Variants in APIP observed in about 807,000 individuals in gnomAD.
APIP encodes the protein methylthioribulose-1-phosphate dehydratase.
A neutral mutation model predicts 32.0 loss-of-function variants in APIP; 32 were observed. That is an observed-to-expected ratio of 1.00 (90% confidence interval 0.76 to 1.34). APIP has a LOEUF of 1.34. APIP is among the 40% of genes most tolerant of loss of function. APIP has a pLI of 0.00. For missense variants in APIP, 247 were observed against 298.6 expected (o/e 0.83, Z 1.27); for synonymous variants, 92 against 94.8 (o/e 0.97, Z 0.17).
chr11:34,886,355 TATAGA>T (rs905538340), intron 5 of APIP, among the ~76,000 whole-genome samples: 1 of 151,916 alleles, frequency 6.6e-6, no homozygotes, highest in Non-Finnish European at 1.5e-5. Context: ...GAAAAAAGCT[TATAGA>T]ATAAAGATAT....
rs1364695305 is a variant in APIP at position 34,898,002 on chromosome 11, T to C, written c.58-2892A>G. On this transcript the variant is annotated intron_variant, in intron 1 of 6. Transcript: ENST00000395787. ...TCTGTACAGGGGAGCTTCTTTCTTCTTTCTTATTAAACTCTCCATTCCTTA... is the reference window on the plus strand; with the variant it reads ...TCTGTACAGGGGAGCTTCTTTCTTCCTTCTTATTAAACTCTCCATTCCTTA... Among the ~76,000 whole-genome samples, 3 of 152,186 alleles carry C rather than the reference T, an allele frequency of 2.0e-5. No homozygotes were observed. The East Asian group carries it at 5.8e-4, about 29-fold the overall frequency.
At chr11:34,910,287 C>A (rs921724347) in intron 1 of APIP, among the ~76,000 whole-genome samples, 10 of 152,190 alleles carry the variant, frequency 6.6e-5, no homozygotes, top group African/African-American at 2.4e-4. Context: ...ACAACTGTTT[C>A]AATAGACTGG....
intron 1 of APIP, among the ~76,000 whole-genome samples, chr11:34,897,977 T>A (rs892214748): frequency 6.6e-6 from 1 of 152,002 alleles, no homozygotes; most frequent in African/African-American, 2.4e-5. Flanking sequence ...ACCCTCCATC[T>A]CTGTACAGGG....
chr11:34,891,980 T>C (rs973611778), intron 2 of APIP, among the ~76,000 whole-genome samples: 5 of 152,132 alleles, frequency 3.3e-5, no homozygotes, highest in Non-Finnish European at 5.9e-5. Context: ...GTCCTGGGAA[T>C]AGACTCAAAT....
At chr11:34,889,557 T>A (rs145917263) in intron 3 of APIP, among the ~76,000 whole-genome samples, 1 of 151,850 alleles carries the variant, frequency 6.6e-6, no homozygotes, top group East Asian at 1.9e-4. Flanking sequence ...GTTACAAGAG[T>A]CTGGTGTACA....
At chr11:34,903,940 A>T (rs986940140) in intron 1 of APIP, among the ~76,000 whole-genome samples, 3 of 152,262 alleles carry the variant, frequency 2.0e-5, no homozygotes, top group African/African-American at 7.2e-5. Context: ...ACGTGCCCAG[A>T]GATTGTTTTC....
At chr11:34,891,361 T>C (rs1430855) in intron 2 of APIP, among the ~76,000 whole-genome samples, 91,319 of 152,024 alleles carry the variant, frequency 0.6, 28,470 homozygotes, top group East Asian at 0.74. Context: ...TATCAGGTTT[T>C]TTCTCTTCTC....
chr11:34,883,505 C>T lies in APIP; in HGVS notation c.462-1G>A, dbSNP rs759789313. The T allele has an allele frequency of 6.2e-7, 1 of 1,611,886 alleles. No individual in the cohort carries two copies. The highest frequency in any genetic ancestry group is 1.1e-5 in the South Asian group (1 of 90,718). ...GGGTACCACTAACATATCATCATAT[C>T]TGTAAGACAAAACAAGCCATTTTTT... On this transcript the variant is annotated splice_acceptor_variant, in intron 5 of 6. Coordinates refer to ENST00000395787, the MANE Select transcript of APIP (RefSeq NM_015957.4). LOFTEE classifies it high-confidence loss of function.
chr11:34,908,917 T>C (rs1272185066), intron 1 of APIP, among the ~76,000 whole-genome samples: 1 of 152,006 alleles, frequency 6.6e-6, no homozygotes, highest in Non-Finnish European at 1.5e-5. Context: ...CTTTGACCTA[T>C]ATTTCATGGA....
intron 2 of APIP, among the ~76,000 whole-genome samples, chr11:34,892,477 T>G (rs912213350): frequency 6.6e-6 from 1 of 152,216 alleles, no homozygotes; most frequent in Non-Finnish European, 1.5e-5. Context: ...AATTATTTTG[T>G]CTACAATGTG....
At chr11:34,904,060 G>A (rs1314729445) in intron 1 of APIP, among the ~76,000 whole-genome samples, 1 of 152,176 alleles carries the variant, frequency 6.6e-6, no homozygotes, top group African/African-American at 2.4e-5. Context: ...CCAAAGAACA[G>A]GAAGTTATCC....
intron 1 of APIP, among the ~76,000 whole-genome samples, chr11:34,913,953 T>C (rs7121341): frequency 0.19 from 28,705 of 152,072 alleles, 3,855 homozygotes; most frequent in African/African-American, 0.39. Flanking sequence ...CCCTACTTTA[T>C]GTTCCAGAAC....
chr11:34,915,731 G>A, intron 1 of APIP: 1 of 168,226 alleles, frequency 5.9e-6, no homozygotes, highest in Non-Finnish European at 1.3e-5. Context: ...AACGGAGATA[G>A]GCAAGGAGCA....
intron 5 of APIP, among the ~76,000 whole-genome samples, chr11:34,883,867 G>A (rs1462195400): frequency 6.6e-6 from 1 of 152,142 alleles, no homozygotes; most frequent in African/African-American, 2.4e-5. Context: ...CAGAAGCATA[G>A]AAAAGATTAA....
intron 1 of APIP, among the ~76,000 whole-genome samples, chr11:34,912,690 G>A (rs7131118): frequency 0.19 from 28,850 of 152,124 alleles, 3,919 homozygotes; most frequent in African/African-American, 0.39. Context: ...TCTTTCTCCC[G>A]TGCTGGATGC....
chr11:34,910,854 C>T (rs1443217104), intron 1 of APIP, among the ~76,000 whole-genome samples: 5 of 151,996 alleles, frequency 3.3e-5, no homozygotes, highest in Non-Finnish European at 5.9e-5. Flanking sequence ...GATCCTGGTC[C>T]TTAACCTTTA....
Position 34,895,100 on chromosome 11 carries a change from T to A in APIP, c.68A>T (p.His23Leu). The part of the protein sequence containing the change: ...SRRCGAQDKE[H>L]PRYLIPELCK... ...AAGTTCTGGGATCAGGTATCTTGGA[T>A]GCTCCTTGTCCTTAAAAAGAAGGTA... Residue 23 changes from histidine (H) to leucine (L), a missense_variant, in exon 2 of 7, where the codon CAT (histidine) becomes CTT (leucine). Physicochemically the swap from His to Leu is moderately conservative, Grantham distance 99. Transcript: ENST00000395787. 6.2e-7 allele frequency: 1 copy of A among 1,613,624 alleles called. No homozygotes were observed. Among genetic ancestry groups the A allele is most frequent in the Non-Finnish European group, 8.5e-7 (1 of 1,179,530 alleles).
chr11:34,896,789 A>C, intron 1 of APIP: 2 of 1,287,610 alleles, frequency 1.6e-6, no homozygotes, highest in Non-Finnish European at 2.0e-6. Flanking sequence ...CCAAAGCCAG[A>C]ATGTTCCTGA....
chr11:34,895,665 T>C (rs1343904826), intron 1 of APIP, among the ~76,000 whole-genome samples: 1 of 152,196 alleles, frequency 6.6e-6, no homozygotes, highest in Non-Finnish European at 1.5e-5. Context: ...TGAAGCAAAT[T>C]ACAAAAAACA....
Sources: gnomAD v4.1 joint callset for allele counts (sites outside exome capture counted in the v4.1 genomes callset) on GRCh38, gnomAD v4.1.1 for gene constraint, MANE v1.5 for transcripts, NCBI Gene and HGNC (gene_info 2026-07-23, HGNC 2026-07-21) for gene names.